Variants in TYW1 observed in about 807,000 individuals in gnomAD.
TYW1 encodes tRNA-yW synthesizing protein 1 homolog, also known as S-adenosyl-L-methionine-dependent tRNA 4-demethylwyosine synthase TYW1.
TYW1 carries 46 observed loss-of-function variants against 96.2 expected under a neutral mutation model. That is an observed-to-expected ratio of 0.48 (90% confidence interval 0.38 to 0.61). The LOEUF is 0.61. Ranked by LOEUF, TYW1 falls within the 20% of genes least tolerant of loss-of-function variation. TYW1 has a pLI of 0.00. For missense variants in TYW1, 684 were observed against 909.6 expected, an observed-to-expected ratio of 0.75 and a Z score of 3.19; for synonymous variants, 274 against 323.0, an observed-to-expected ratio of 0.85 and a Z score of 1.63.
intron 5 of TYW1, among the ~76,000 whole-genome samples, chr7:67,017,183 G>C (rs146165237): frequency 1.3e-5 from 2 of 151,710 alleles, no homozygotes; most frequent in Non-Finnish European, 2.9e-5. Context: ...GGGTCTCACC[G>C]TGTTGGCCAG....
At chr7:67,085,193 A>G (rs1796510109) in intron 11 of TYW1, among the ~76,000 whole-genome samples, 1 of 152,330 alleles carries the variant, frequency 6.6e-6, no homozygotes, top group South Asian at 2.1e-4. Flanking sequence ...TCGTAATATT[A>G]TAATACTCCT....
intron 15 of TYW1, among the ~76,000 whole-genome samples, chr7:67,223,336 A>AGTTTT: frequency 6.6e-6 from 1 of 151,870 alleles, no homozygotes; most frequent in East Asian, 1.9e-4. Flanking sequence ...TGTTTTCTGG[A>AGTTTT]GTTTTGTTTT....
At chr7:67,014,172 G>A (rs1160631386) in intron 4 of TYW1, among the ~76,000 whole-genome samples, 195 bp from the exon 5 acceptor site, 2 of 152,218 alleles carry the variant, frequency 1.3e-5, no homozygotes, top group Admixed American at 1.3e-4. Flanking sequence ...GCAGGAGCAA[G>A]GGACTGGGTT....
At chr7:67,166,117 T>C (rs1218386555) in intron 13 of TYW1, among the ~76,000 whole-genome samples, 1 of 151,154 alleles carries the variant, frequency 6.6e-6, no homozygotes, top group Non-Finnish European at 1.5e-5. Context: ...CATGGTTGTG[T>C]GCACCTGTAG....
intron 7 of TYW1, among the ~76,000 whole-genome samples, chr7:67,040,801 G>A (rs1316769708): frequency 2.6e-5 from 4 of 151,764 alleles, no homozygotes; most frequent in Non-Finnish European, 4.4e-5. Flanking sequence ...CCGAGATCAC[G>A]CCACTGCACT....
intron 12 of TYW1, among the ~76,000 whole-genome samples, chr7:67,103,281 G>A (rs1340576830): frequency 2.6e-5 from 4 of 152,208 alleles, no homozygotes; most frequent in Admixed American, 1.3e-4. Context: ...CTGAAACAGA[G>A]CAGTCCTCCT....
chr7:67,220,988 A>G (rs1353886556), intron 15 of TYW1, among the ~76,000 whole-genome samples: 3 of 151,956 alleles, frequency 2.0e-5, no homozygotes, highest in African/African-American at 7.3e-5. Context: ...TGGCCTCCCA[A>G]AGTGCTGGGT....
chr7:67,113,464 T>C (rs1190189701), intron 12 of TYW1, among the ~76,000 whole-genome samples: 1 of 152,208 alleles, frequency 6.6e-6, no homozygotes, highest in African/African-American at 2.4e-5. Context: ...CTCTTGGATT[T>C]TTCATTTATG....
intron 15 of TYW1, among the ~76,000 whole-genome samples, chr7:67,218,945 C>T (rs931269228): frequency 2.0e-5 from 3 of 152,126 alleles, no homozygotes; most frequent in Non-Finnish European, 2.9e-5. Flanking sequence ...TTATTTTGAA[C>T]GAAAGTAGTG....
At chr7:67,056,091 C>A (rs1336333996) in intron 9 of TYW1, among the ~76,000 whole-genome samples, 2 of 152,186 alleles carry the variant, frequency 1.3e-5, no homozygotes, top group South Asian at 4.1e-4. Context: ...AAGTTATTAT[C>A]CCCACCCCAG....
chr7:67,128,391 T>C (rs1367564878), intron 13 of TYW1, among the ~76,000 whole-genome samples: 1 of 152,194 alleles, frequency 6.6e-6, no homozygotes, highest in Non-Finnish European at 1.5e-5. Flanking sequence ...TGTTCTTTCT[T>C]AGGATTTCGA....
intron 13 of TYW1, among the ~76,000 whole-genome samples, chr7:67,181,317 A>T (rs1478732283): frequency 6.6e-6 from 1 of 151,300 alleles, no homozygotes; most frequent in Admixed American, 6.6e-5. Flanking sequence ...GCAGTTTTCT[A>T]CTATTTTTGT....
intron 13 of TYW1, among the ~76,000 whole-genome samples, chr7:67,125,247 T>G: frequency 6.6e-6 from 1 of 152,248 alleles, no homozygotes; most frequent in Non-Finnish European, 1.5e-5. Context: ...CTGTCCTATT[T>G]GTGAAATCTT....
intron 13 of TYW1, among the ~76,000 whole-genome samples, chr7:67,148,224 T>G (rs1368902797): frequency 1.3e-5 from 2 of 151,980 alleles, no homozygotes; most frequent in Non-Finnish European, 2.9e-5. Flanking sequence ...TCTTTATATA[T>G]CTCAGTAGAG....
chr7:67,175,821 G>A (rs534217824), intron 13 of TYW1, among the ~76,000 whole-genome samples: 1 of 152,270 alleles, frequency 6.6e-6, no homozygotes, highest in East Asian at 1.9e-4. Flanking sequence ...TACTTCTTGA[G>A]TAAATGTTTA....
At chr7:67,195,940 C>T (rs1349637410) in intron 15 of TYW1, among the ~76,000 whole-genome samples, 3 of 151,712 alleles carry the variant, frequency 2.0e-5, no homozygotes, top group African/African-American at 7.3e-5. Context: ...TGGAGAAGTT[C>T]TGGAAAATTT....
intron 13 of TYW1, among the ~76,000 whole-genome samples, chr7:67,164,372 G>A (rs544246310): frequency 4.7e-4 from 72 of 152,136 alleles, no homozygotes; most frequent in South Asian, 1.9e-3. Context: ...CATTTTGGGA[G>A]GCCGAGGTGG....
At chr7:67,164,869 T>C (rs1799273559) in intron 13 of TYW1, among the ~76,000 whole-genome samples, 2 of 152,034 alleles carry the variant, frequency 1.3e-5, no homozygotes, top group African/African-American at 2.4e-5. Context: ...CTTGTCATCA[T>C]CTTGAGTTTG....
chr7:67,202,339 C>T (rs181913991), intron 15 of TYW1, among the ~76,000 whole-genome samples: 7 of 152,152 alleles, frequency 4.6e-5, no homozygotes, highest in South Asian at 2.1e-4. Context: ...CAGAGAGGTC[C>T]GAATCATCAA....
Sources: allele counts gnomAD v4.1 joint callset (sites outside exome capture counted in the v4.1 genomes callset), GRCh38; gene constraint gnomAD v4.1.1; transcripts MANE v1.5; gene names NCBI Gene and HGNC (gene_info 2026-07-23, HGNC 2026-07-21).